ZFTRAF1: variants seen among roughly 807,000 people sequenced by gnomAD.
ZFTRAF1 encodes the protein zinc finger TRAF-type-containing protein 1.
At chr8:144,461,471 T>C in the ZFTRAF1 span, among the ~76,000 whole-genome samples, 2 of 152,130 alleles carry the variant, frequency 1.3e-5, no homozygotes, top group African/African-American at 4.8e-5. Context: ...CTAACAGCCC[T>C]AGGCTGCTTA....
chr8:144,462,370 C>G, the ZFTRAF1 span: 3 of 405,366 alleles, frequency 7.4e-6, no homozygotes, highest in Admixed American at 3.7e-5. Flanking sequence ...CGCTGCCGGC[C>G]GCCGCCGCCG....
At chr8:144,452,887 G>A in the ZFTRAF1 span, among the ~76,000 whole-genome samples, 6 of 152,296 alleles carry the variant, frequency 3.9e-5, no homozygotes, top group African/African-American at 1.4e-4. Flanking sequence ...TGCCTCCACT[G>A]GATGGGTAGC....
chr8:144,462,830 C>A, the ZFTRAF1 span: 11 of 152,500 alleles, frequency 7.2e-5, no homozygotes, highest in South Asian at 1.4e-3. Flanking sequence ...CCGCGGCCAC[C>A]GACCCCGGCA....
At chr8:144,461,563 A>AGCCTG in the ZFTRAF1 span, among the ~76,000 whole-genome samples, 1 of 152,282 alleles carries the variant, frequency 6.6e-6, no homozygotes, top group South Asian at 2.1e-4. Flanking sequence ...CTGCCTAGGA[A>AGCCTG]GCCTGGCCTG....
chr8:144,461,752 G>A, the ZFTRAF1 span, among the ~76,000 whole-genome samples: 377 of 152,294 alleles, frequency 2.5e-3, 1 homozygote, highest in Middle Eastern at 0.02. Flanking sequence ...TGGACCAAGA[G>A]AAAGGATTCT....
At chr8:144,462,831 G>C in the ZFTRAF1 span, 1 of 152,060 alleles carries the variant, frequency 6.6e-6, no homozygotes, top group African/African-American at 2.4e-5. Context: ...CGCGGCCACC[G>C]ACCCCGGCAC....
At chr8:144,454,094 T>G in the ZFTRAF1 span, 1 of 152,382 alleles carries the variant, frequency 6.6e-6, no homozygotes, top group Non-Finnish European at 1.5e-5. Flanking sequence ...AGGGAGTGCC[T>G]GGGGAGCAGA....
At chr8:144,461,210 G>A in the ZFTRAF1 span, among the ~76,000 whole-genome samples, 4 of 152,224 alleles carry the variant, frequency 2.6e-5, no homozygotes, top group South Asian at 4.1e-4. Context: ...TGCTACAAAA[G>A]TAGCTCCTCA....
chr8:144,459,700 C>T, the ZFTRAF1 span, among the ~76,000 whole-genome samples: 12 of 152,214 alleles, frequency 7.9e-5, no homozygotes, highest in Non-Finnish European at 1.5e-4. Flanking sequence ...ATGGAGTTGT[C>T]CCCCACAGCC....
chr8:144,451,013 G>T, the ZFTRAF1 span: 2 of 517,058 alleles, frequency 3.9e-6, no homozygotes, highest in South Asian at 5.1e-5. Context: ...TCCAGAGGCT[G>T]CACGTGTCAG....
the ZFTRAF1 span, among the ~76,000 whole-genome samples, chr8:144,452,756 G>C: frequency 6.6e-6 from 1 of 152,234 alleles, no homozygotes; most frequent in Admixed American, 6.5e-5. Context: ...GGCAGAAAAA[G>C]GGAGAGAGAG....
At chr8:144,458,410 G>C in the ZFTRAF1 span, among the ~76,000 whole-genome samples, 1 of 152,218 alleles carries the variant, frequency 6.6e-6, no homozygotes. Flanking sequence ...TATTTACAAA[G>C]ATGTTTTCTG....
the ZFTRAF1 span, chr8:144,462,269 G>A: frequency 1.8e-6 from 1 of 563,742 alleles, no homozygotes; most frequent in Non-Finnish European, 3.1e-6. Flanking sequence ...GTCGGGGTCG[G>A]CCGGCGGCCC....
the ZFTRAF1 span, chr8:144,457,503 G>C: frequency 2.0e-5 from 3 of 152,192 alleles, no homozygotes; most frequent in Non-Finnish European, 4.4e-5. Flanking sequence ...CCAGACCCCA[G>C]GCCCCTCTGC....
At chr8:144,461,606 G>A in the ZFTRAF1 span, among the ~76,000 whole-genome samples, 3 of 152,304 alleles carry the variant, frequency 2.0e-5, no homozygotes, top group Admixed American at 6.5e-5. Flanking sequence ...CCTAGCGTGG[G>A]GCATGGCAAG....
chr8:144,452,589 T>G, the ZFTRAF1 span: 2 of 1,532,078 alleles, frequency 1.3e-6, no homozygotes, highest in East Asian at 4.9e-5. Flanking sequence ...GGCAGGTACA[T>G]CACTCACAGA....
At chr8:144,461,191 T>C in the ZFTRAF1 span, among the ~76,000 whole-genome samples, 1 of 152,192 alleles carries the variant, frequency 6.6e-6, no homozygotes, top group African/African-American at 2.4e-5. Flanking sequence ...AGACTAGCCC[T>C]ACACCACCTG....
chr8:144,451,450 C>G, the ZFTRAF1 span: 1 of 153,768 alleles, frequency 6.5e-6, no homozygotes, highest in East Asian at 1.9e-4. Context: ...ATCTCCAGGA[C>G]AGCTAAGGCT....
the ZFTRAF1 span, chr8:144,450,131 C>G: frequency 2.0e-6 from 1 of 500,490 alleles, no homozygotes; most frequent in Non-Finnish European, 3.6e-6. Flanking sequence ...CCTGGTGCAC[C>G]GTCTCCTCTT....
Sources: allele counts gnomAD v4.1 joint callset (sites outside exome capture counted in the v4.1 genomes callset), GRCh38; gene constraint gnomAD v4.1.1; transcripts MANE v1.5; gene names NCBI Gene and HGNC (gene_info 2026-07-23, HGNC 2026-07-21).